The following NPHP1 variants were observed in gnomAD, a reference collection of about 807,000 sequenced individuals.
NPHP1 encodes the protein nephrocystin-1.
Under a neutral mutation model 90.4 loss-of-function variants are expected in NPHP1, and 70 were observed. The ratio of observed to expected loss-of-function variants is 0.77; its 90% CI spans 0.64 to 0.95. The LOEUF is 0.95. Among genes scored for constraint, NPHP1 ranks in the 40% least tolerant of loss-of-function variants. The pLI is 0.00. For missense variants in NPHP1, 764 were observed against 795.9 expected (o/e 0.96, Z 0.48); for synonymous variants, 256 against 271.7 (o/e 0.94, Z 0.57).
intron 2 of NPHP1, chr2:110,184,676 A>T (rs935140435): frequency 1.3e-5 from 10 of 741,786 alleles, no homozygotes; most frequent in South Asian, 1.3e-4. Context: ...ATTTCCACTC[A>T]TCGTTTGAGA....
chr2:110,204,789 G>A (rs1685822708), intron 1 of NPHP1, 111 bp downstream of exon 1: 1 of 1,102,682 alleles, frequency 9.1e-7, no homozygotes, highest in Non-Finnish European at 1.4e-6. Context: ...AAGGTAAGTA[G>A]GTTGGGGGCA....
At chr2:110,196,838 G>A (rs60598809) in intron 2 of NPHP1, among the ~76,000 whole-genome samples, 6,486 of 152,184 alleles carry the variant, frequency 0.043, 452 homozygotes, top group African/African-American at 0.14. Context: ...AAAATGATGA[G>A]TTCATGTCCT....
rs1260327159 is a variant in NPHP1, at chr2:110,123,553, AAAAT to A, written c.*234_*237del. 3 of 416,298 alleles carry A rather than the reference AAAAT, an allele frequency of 7.2e-6. No individual in the cohort carries two copies. The highest frequency in any genetic ancestry group is 4.0e-5 in the African/African-American group (2 of 50,074). 25.8% of individuals were successfully genotyped at this position (416,298 alleles called of 1,614,324 possible). Reference sequence around the variant, plus strand: ...ATTAACTTAAGTAGCTGTTTTTGAAAAAATAAATACTGTTTAAATTTAGATATAA... The same window carrying A: ...ATTAACTTAAGTAGCTGTTTTTGAAAAAATACTGTTTAAATTTAGATATAA... On this transcript the variant is annotated 3_prime_UTR_variant, in exon 20 of 20. Transcript: ENST00000445609.
At chr2:110,182,079 A>G (rs1055994640) in intron 2 of NPHP1, among the ~76,000 whole-genome samples, 1 of 152,168 alleles carries the variant, frequency 6.6e-6, no homozygotes, top group African/African-American at 2.4e-5. Flanking sequence ...GCGGACAAGA[A>G]TAGGGAAAAA....
At chr2:110,143,414 G>T in intron 16 of NPHP1, 128 bp downstream of exon 16, 1 of 717,494 alleles carries the variant, frequency 1.4e-6, no homozygotes, top group Non-Finnish European at 2.5e-6. Context: ...ACCTTTGGGG[G>T]AAGAATTAAA....
rs117503046 is a variant in NPHP1, at chr2:110,171,432, C to G, written c.330-1434G>C. 8.3e-4 allele frequency among the ~76,000 whole-genome samples: 126 copies of G among 152,134 alleles called. 1 individual carries two copies. In the East Asian group the frequency reaches 0.014, roughly 17 times the overall value. On this transcript the variant is annotated intron_variant, in intron 4 of 19. Transcript: ENST00000445609. ...CATTAACTATAAAACTAGTCAACTACAAGATTTTCTCTGGAATAAAAAGGA... is the reference window on the plus strand; with the variant it reads ...CATTAACTATAAAACTAGTCAACTAGAAGATTTTCTCTGGAATAAAAAGGA...
intron 10 of NPHP1, 95 bp from the exon 11 acceptor site, chr2:110,160,350 T>C (rs546602639): frequency 1.9e-6 from 2 of 1,027,552 alleles, no homozygotes; most frequent in South Asian, 3.0e-5. Flanking sequence ...GTATACAGAA[T>C]TTTTAAAAAA....
chr2:110,143,886 G>T (rs1273135147), intron 15 of NPHP1: 2 of 464,722 alleles, frequency 4.3e-6, no homozygotes, highest in Non-Finnish European at 7.8e-6. Flanking sequence ...TCTGACTCCA[G>T]GTAGAACCAA....
intron 2 of NPHP1, chr2:110,184,859 C>A: frequency 1.4e-6 from 1 of 700,686 alleles, no homozygotes; most frequent in Non-Finnish European, 2.7e-6. Flanking sequence ...CCCTGAGCTG[C>A]TCTTCAGGCC....
chr2:110,184,509 A>C (rs1010964150), intron 2 of NPHP1: 3 of 1,122,376 alleles, frequency 2.7e-6, no homozygotes, highest in Non-Finnish European at 3.9e-6. Context: ...TGCCACAGGC[A>C]GGACCACGGG....
intron 11 of NPHP1, among the ~76,000 whole-genome samples, chr2:110,154,916 G>C (rs1355872499): frequency 6.6e-6 from 1 of 152,146 alleles, no homozygotes; most frequent in African/African-American, 2.4e-5. Flanking sequence ...ATTCGCATAG[G>C]TAACAAGGAG....
At chr2:110,167,702 G>T (rs1001725287) in intron 6 of NPHP1, among the ~76,000 whole-genome samples, 1 of 152,156 alleles carries the variant, frequency 6.6e-6, no homozygotes, top group African/African-American at 2.4e-5. Flanking sequence ...TAGCCAGTCA[G>T]TCAGAAGTAT....
rs1306009665 is a variant in NPHP1, at chr2:110,129,182, C to T, written c.1716+4G>A. 6.2e-7 allele frequency: 1 copy of T among 1,610,390 alleles called. No individual in the cohort carries two copies. The stretch of plus-strand genomic sequence containing the variant: ...AGGTTTCCATTGCAATGCATGCTAC[C>T]CACCCTGAGAGCATCCATCACATCA... On this transcript the variant is annotated splice_donor_region_variant and intron_variant, in intron 18 of 19. Coordinates refer to ENST00000445609, the MANE Select transcript of NPHP1 (RefSeq NM_001128178.3).
At chr2:110,181,617 C>G (rs944738367) in intron 2 of NPHP1, among the ~76,000 whole-genome samples, 1 of 152,086 alleles carries the variant, frequency 6.6e-6, no homozygotes, top group African/African-American at 2.4e-5. Flanking sequence ...AAAAACTCAA[C>G]AAAAATCCTA....
intron 2 of NPHP1, among the ~76,000 whole-genome samples, chr2:110,192,914 T>G (rs1684856356): frequency 6.6e-6 from 1 of 152,066 alleles, no homozygotes; most frequent in African/African-American, 2.4e-5. Context: ...CTAAGCTTCA[T>G]AAGTGAAGGA....
intron 2 of NPHP1, among the ~76,000 whole-genome samples, chr2:110,197,707 T>G (rs1240178513): frequency 1.3e-5 from 2 of 152,048 alleles, no homozygotes; most frequent in South Asian, 2.1e-4. Flanking sequence ...TCTTTGAGGA[T>G]ATCACAAGCC....
chr2:110,150,156 C>T (rs1681354615), intron 12 of NPHP1, 26 bp downstream of exon 12: 2 of 1,552,280 alleles, frequency 1.3e-6, no homozygotes, highest in East Asian at 2.2e-5. Context: ...AATTCACTCA[C>T]TCCACTCATT....
At chr2:110,158,146 C>T (rs1201227343) in intron 11 of NPHP1, among the ~76,000 whole-genome samples, 1 of 152,038 alleles carries the variant, frequency 6.6e-6, no homozygotes, top group Non-Finnish European at 1.5e-5. Flanking sequence ...AAATTTAATT[C>T]CATGTAATCA....
Position 110,196,989 on chromosome 2 carries a change from T to C in NPHP1, c.143+4432A>G, listed in dbSNP as rs1423103096. The stretch of plus-strand genomic sequence containing the variant: ...ATCATGTCCTTTGGAGGGACATGGT[T>C]ACAGTTGGAAGTCATTATCCTCAGC... On this transcript the variant is annotated intron_variant, in intron 2 of 19. Coordinates refer to ENST00000445609, the MANE Select transcript of NPHP1 (RefSeq NM_001128178.3). Among the ~76,000 whole-genome samples the C allele has an allele frequency of 2.0e-5, 3 of 152,140 alleles. No individual in the cohort carries two copies. The East Asian group carries it at 5.8e-4, about 29-fold the overall frequency.
Sources: gnomAD v4.1 joint callset for allele counts (sites outside exome capture counted in the v4.1 genomes callset) on GRCh38, gnomAD v4.1.1 for gene constraint, MANE v1.5 for transcripts, NCBI Gene and HGNC (gene_info 2026-07-23, HGNC 2026-07-21) for gene names.